LRRC19: variants seen among roughly 807,000 people sequenced by gnomAD.
LRRC19 encodes leucine-rich repeat-containing protein 19.
In LRRC19, 33 loss-of-function variants were observed where a neutral mutation model predicts 33.3. The ratio of observed to expected loss-of-function variants is 0.99; its 90% CI spans 0.75 to 1.33. LRRC19 has a LOEUF of 1.33. Among genes scored for constraint, LRRC19 ranks in the 40% most tolerant of loss-of-function variants. The probability of loss-of-function intolerance (pLI) is 0.00; values close to 1 mark genes in which losing one functional copy is unlikely to be tolerated. For synonymous variants in LRRC19, 184 were observed against 152.3 expected (o/e 1.21, Z -1.53); for missense variants, 463 against 417.3 (o/e 1.11, Z -0.95).
At chr9:27,004,572 C>T (rs1290006192) in intron 1 of LRRC19, among the ~76,000 whole-genome samples, 3 of 152,144 alleles carry the variant, frequency 2.0e-5, no homozygotes, top group African/African-American at 4.8e-5. Flanking sequence ...AAATCAGATA[C>T]GCAGAATAGC....
Position 26,999,601 on chromosome 9 carries a change from T to C in LRRC19, c.81+13A>G. The C allele has an allele frequency of 6.5e-7, 1 of 1,534,634 alleles. No homozygotes were observed. On this transcript the variant is annotated intron_variant, in intron 2 of 4. Transcript: ENST00000380055. The stretch of plus-strand genomic sequence containing the variant: ...TTGAAAATATTTTTACTATTTTGAT[T>C]GTAAAAACTTACTCTTTTAGAAGAC...
intron 1 of LRRC19, among the ~76,000 whole-genome samples, chr9:27,005,367 C>CCG (rs376788124): frequency 5.8e-5 from 6 of 102,696 alleles, no homozygotes; most frequent in Admixed American, 9.8e-5. Context: ...CCCCGCCCCC[C>CCG]GCAAAACAAT....
Position 26,995,562 on chromosome 9 carries a change from C to G in LRRC19, c.1072G>C (p.Asp358His). 6.3e-7 allele frequency: 1 copy of G among 1,596,566 alleles called. No individual in the cohort carries two copies. Among genetic ancestry groups the G allele is most frequent in the Non-Finnish European group, 8.6e-7 (1 of 1,166,992 alleles). The change falls in exon 5 of 5, where the codon GAC (aspartate) becomes CAC (histidine). Residue 358 changes from aspartate (D) to histidine (H), a missense_variant. Coordinates refer to ENST00000380055, the MANE Select transcript of LRRC19 (RefSeq NM_022901.3). The part of the protein sequence containing the change: ...FVVDDDGFIE[D>H]KYIDIHELCE... ...AATTCATGGATATCTATATATTTGT[C>G]TTCAATAAATCCATCATCATCTACC...
rs547851796 is a variant in LRRC19 at position 26,997,072 on chromosome 9, C to T, written c.596-573G>A. 9.9e-5 allele frequency among the ~76,000 whole-genome samples: 15 copies of T among 151,846 alleles called. No homozygotes were observed. The East Asian group carries it at 2.6e-3, about 26-fold the overall frequency. ...CTAAAAATACAAAAAATTAGCCAGGCGTGGTGGCTCATGACTGTAATCCCA... is the reference window on the plus strand; with the variant it reads ...CTAAAAATACAAAAAATTAGCCAGGTGTGGTGGCTCATGACTGTAATCCCA... On this transcript the variant is annotated intron_variant, in intron 3 of 4. Transcript: ENST00000380055.
At chr9:26,998,573 C>G (rs1021931235) in intron 2 of LRRC19, among the ~76,000 whole-genome samples, 3 of 152,126 alleles carry the variant, frequency 2.0e-5, no homozygotes, top group African/African-American at 7.2e-5. Context: ...AATAATAATT[C>G]TGTTAACATT....
chr9:26,997,598 T>C (rs1828233596), intron 3 of LRRC19, 130 bp downstream of exon 3: 1 of 954,896 alleles, frequency 1.0e-6, no homozygotes, highest in Non-Finnish European at 1.5e-6. Context: ...CCTCCCATAG[T>C]GATGGGATTA....
chr9:26,995,847 G>C lies in LRRC19; in HGVS notation c.787C>G (p.His263Asp). Residue 263 changes from histidine to aspartate, a missense_variant and splice_region_variant, in exon 5 of 5, where the codon CAT (histidine) becomes GAT (aspartate). Transcript: ENST00000380055. Reference protein sequence around the residue: ...SSNNLTRNSEHEPLGKSWAFL... With the variant: ...SSNNLTRNSEDEPLGKSWAFL... ...GCCCAACTTTTTCCAAGAGGTTCAT[G>C]TTCTTTAATGGAATACCAAGAGAGG... is the stretch of plus-strand genomic sequence containing the variant. The C allele has an allele frequency of 6.3e-7, 1 of 1,597,822 alleles. No individual in the cohort carries two copies. Among genetic ancestry groups the C allele is most frequent in the Admixed American group, 1.7e-5 (1 of 57,394 alleles).
chr9:26,996,194 TTGAGA>T, intron 4 of LRRC19, 112 bp downstream of exon 4: 1 of 681,318 alleles, frequency 1.5e-6, no homozygotes, highest in Non-Finnish European at 2.2e-6. Flanking sequence ...AAATCTTTAG[TTGAGA>T]TGAGGAATCT....
chr9:26,998,283 AT>A (rs1488394592), intron 2 of LRRC19, 42 bp from the exon 3 acceptor site: 6 of 1,175,750 alleles, frequency 5.1e-6, no homozygotes, highest in Non-Finnish European at 6.9e-6. Context: ...CAGAAAAAAA[AT>A]TAATAGAATT....
intron 2 of LRRC19, among the ~76,000 whole-genome samples, chr9:26,998,922 A>G (rs547270898): frequency 2.6e-5 from 4 of 152,194 alleles, no homozygotes; most frequent in Admixed American, 1.3e-4. Context: ...TCAACCCAGG[A>G]GGCGGAGGTT....
rs1014855639 is a variant in LRRC19, at chr9:26,993,200, A to G, written c.*2321T>C. ...CCATATTCAACAGAGGCCCTTGAAT[A>G]TAAAAGCTTAAGTGTAGTCTTTGCT... On this transcript the variant is annotated 3_prime_UTR_variant, in exon 5 of 5. Coordinates refer to ENST00000380055, the MANE Select transcript of LRRC19 (RefSeq NM_022901.3). The G allele has an allele frequency of 3.9e-5, 6 of 152,200 alleles. No homozygotes were observed. The highest frequency in any genetic ancestry group is 1.2e-4 in the African/African-American group (5 of 41,466). The allele number at this position is 152,200 out of a possible 1,614,324, so 9.4% of individuals were successfully genotyped here.
chr9:27,005,352 T>TCC lies in LRRC19; in HGVS notation c.-10+238_-10+239dup, dbSNP rs1443234170. On this transcript the variant is annotated intron_variant, in intron 1 of 4. Transcript: ENST00000380055. ...ATTTGATTGGCTAGATGAAACCATT[T>TCC]CCCCCCCCGCCCCCCGCAAAACAAT... is the stretch of plus-strand genomic sequence containing the variant. Among the ~76,000 whole-genome samples the TCC allele has an allele frequency of 1.5e-3, 28 of 18,924 alleles. 2 individuals are homozygous for TCC. The highest frequency in any genetic ancestry group is 1.8e-3 in the Non-Finnish European group (16 of 8,820). The allele number at this position is 18,924 out of a possible 152,430, so 12.4% of individuals were successfully genotyped here. A position where few individuals can be genotyped will look rare whatever the true frequency, so the allele number is the denominator to read the frequency against.
At chr9:26,998,874 A>T (rs1036703246) in intron 2 of LRRC19, among the ~76,000 whole-genome samples, 2 of 151,994 alleles carry the variant, frequency 1.3e-5, no homozygotes, top group Admixed American at 6.6e-5. Context: ...AGCACCTGTA[A>T]TCCCAGCTAC....
At position 26,994,159 on chromosome 9, in the gene LRRC19, C is replaced by A. The variant is rs1490399991; in HGVS notation, c.*1362G>T. On this transcript the variant is annotated 3_prime_UTR_variant, in exon 5 of 5. Transcript: ENST00000380055. ...TAACTGAAAGAATGGGTTTTGTTGT[C>A]AAGTAAGTTTGAGAAATTTTTAATA... 6.6e-6 allele frequency: 1 copy of A among 152,102 alleles called. No individual in the cohort carries two copies. The highest frequency in any genetic ancestry group is 1.5e-5 in the Non-Finnish European group (1 of 68,018). 9.4% of individuals were successfully genotyped at this position (152,102 alleles called of 1,614,324 possible). A position where few individuals can be genotyped will look rare whatever the true frequency, so the allele number is the denominator to read the frequency against.
chr9:26,995,476 G>A lies in LRRC19; in HGVS notation c.*45C>T. On this transcript the variant is annotated 3_prime_UTR_variant, in exon 5 of 5. Coordinates refer to ENST00000380055, the MANE Select transcript of LRRC19 (RefSeq NM_022901.3). ...ATAGCAAAATCTCCATATCTAAACTGAGTGAGCTGATAACTTTGCTTTAAA... is the reference window on the plus strand; with the variant it reads ...ATAGCAAAATCTCCATATCTAAACTAAGTGAGCTGATAACTTTGCTTTAAA... The A allele has an allele frequency of 8.8e-7, 1 of 1,137,382 alleles. No individual in the cohort carries two copies. Among genetic ancestry groups the A allele is most frequent in the Non-Finnish European group, 1.2e-6 (1 of 806,024 alleles). The allele number at this position is 1,137,382 out of a possible 1,614,324, so 70.5% of individuals were successfully genotyped here. A position where few individuals can be genotyped will look rare whatever the true frequency, so the allele number is the denominator to read the frequency against.
In LRRC19 at chr9:26,995,709, C is replaced by T. The variant is rs761070383; in HGVS notation, c.925G>A (p.Glu309Lys). The change falls in exon 5 of 5, where the codon GAA becomes AAA. Residue 309 changes from glutamate (E) to lysine (K), a missense_variant. Coordinates refer to ENST00000380055, the MANE Select transcript of LRRC19 (RefSeq NM_022901.3). The stretch of plus-strand genomic sequence containing the variant: ...TCATAGGTTTCTGCTTCATGCTCTT[C>T]CAGGCGATGATGATTATAACTAAGC... ...ILLSYNHHRL[E>K]EHEAETYEDG... The T allele has an allele frequency of 1.1e-5, 17 of 1,613,828 alleles. No individual in the cohort carries two copies. The South Asian group carries it at 1.9e-4, about 18-fold the overall frequency.
rs560453553 is a variant in LRRC19, at chr9:27,001,733, G to A, written c.-9-2030C>T. On this transcript the variant is annotated intron_variant, in intron 1 of 4. Coordinates refer to ENST00000380055, the MANE Select transcript of LRRC19 (RefSeq NM_022901.3). Reference sequence around the variant, plus strand: ...TCTGATTATTAACCCCTTTTTAGATGGGTAGTTTGCAAATATTTTCTCATT... The same window carrying A: ...TCTGATTATTAACCCCTTTTTAGATAGGTAGTTTGCAAATATTTTCTCATT... Among the ~76,000 whole-genome samples the A allele has an allele frequency of 5.9e-5, 9 of 152,066 alleles. No homozygotes were observed. The South Asian group carries it at 1.9e-3, about 32-fold the overall frequency.
Position 26,995,714 on chromosome 9 carries a change from C to T in LRRC19, c.920G>A (p.Arg307His), listed in dbSNP as rs771490359. The change falls in exon 5 of 5, where the codon CGC (arginine) becomes CAC (histidine). Residue 307 changes from arginine to histidine, a missense_variant. Coordinates refer to ENST00000380055, the MANE Select transcript of LRRC19 (RefSeq NM_022901.3). ...GGTTTCTGCTTCATGCTCTTCCAGG[C>T]GATGATGATTATAACTAAGCAGAAT... is the stretch of plus-strand genomic sequence containing the variant. ...YNILLSYNHH[R>H]LEEHEAETYE... 1.2e-5 allele frequency: 20 copies of T among 1,613,588 alleles called. No individual in the cohort carries two copies. Among genetic ancestry groups the T allele is most frequent in the African/African-American group, 5.3e-5 (4 of 74,850 alleles).
chr9:26,998,925 C>T (rs772302734), intron 2 of LRRC19, among the ~76,000 whole-genome samples: 5 of 152,062 alleles, frequency 3.3e-5, no homozygotes, highest in African/African-American at 7.2e-5. Flanking sequence ...ACCCAGGAGG[C>T]GGAGGTTGCA....
Sources: gnomAD v4.1 joint callset for allele counts (sites outside exome capture counted in the v4.1 genomes callset) on GRCh38, gnomAD v4.1.1 for gene constraint, MANE v1.5 for transcripts, NCBI Gene and HGNC (gene_info 2026-07-23, HGNC 2026-07-21) for gene names.